The following DMD variants were observed in gnomAD, a reference collection of about 807,000 sequenced individuals.
The protein encoded by DMD is dystrophin.
In DMD, 63 loss-of-function variants were observed where a neutral mutation model predicts 330.1. The ratio of observed to expected loss-of-function variants is 0.19; its 90% CI spans 0.16 to 0.24. The LOEUF (loss-of-function observed/expected upper bound fraction) is 0.24, where lower values mean the gene tolerates loss of function less well. Ranked by LOEUF, DMD falls within the 10% of genes least tolerant of loss-of-function variation. The pLI, the probability that DMD is intolerant of heterozygous loss-of-function variation, is 1.00. For synonymous variants in DMD, 1,223 were observed against 959.8 expected, an observed-to-expected ratio of 1.27 and a Z score of -5.07; for missense variants, 3,344 against 2,684.1, an observed-to-expected ratio of 1.25 and a Z score of -5.43.
At chrX:31,239,321 G>A in intron 63 of DMD, among the ~76,000 whole-genome samples, 1 of 111,889 alleles carries the variant, frequency 8.9e-6, no homozygotes, top group Middle Eastern at 4.6e-3. Context: ...TTTCTTATGA[G>A]TATTCTTTAG....
chrX:31,866,355 T>C (rs1376595315), intron 48 of DMD, among the ~76,000 whole-genome samples: 5 of 111,252 alleles, frequency 4.5e-5, no homozygotes, highest in African/African-American at 9.8e-5. Context: ...AAAAAGCTAA[T>C]TGGAAACAGA....
intron 50 of DMD, among the ~76,000 whole-genome samples, chrX:31,802,239 C>T (rs1404819437): frequency 9.1e-6 from 1 of 110,011 alleles, no homozygotes; most frequent in Admixed American, 9.7e-5. Context: ...TTCTGTCTGT[C>T]ATCAAATTTA....
At chrX:31,137,529 A>G (rs1273294349) in intron 76 of DMD, among the ~76,000 whole-genome samples, 1 of 111,266 alleles carries the variant, frequency 9.0e-6, no homozygotes, top group African/African-American at 3.3e-5. Context: ...AAAACCACAA[A>G]AGTTTAAAAA....
At chrX:31,383,553 C>T (rs1053620023) in intron 60 of DMD, among the ~76,000 whole-genome samples, 1 of 112,120 alleles carries the variant, frequency 8.9e-6, no homozygotes, top group African/African-American at 3.2e-5. Context: ...ACCCTTAAGC[C>T]TAAAAGCCTG....
chrX:32,896,342 T>C (rs1302847268), intron 2 of DMD, among the ~76,000 whole-genome samples: 6 of 112,026 alleles, frequency 5.4e-5, no homozygotes, highest in Non-Finnish European at 9.4e-5. Context: ...AAAATAGCCA[T>C]GTACAGACTC....
At chrX:33,278,412 T>C (rs1028341282) in intron 1 of DMD, among the ~76,000 whole-genome samples, 25 of 111,623 alleles carry the variant, frequency 2.2e-4, no homozygotes, top group African/African-American at 8.1e-4. Flanking sequence ...AGCTCCCACT[T>C]ATAAGTGAGA....
At chrX:32,239,396 C>T (rs1210575218) in intron 43 of DMD, among the ~76,000 whole-genome samples, 7 of 111,625 alleles carry the variant, frequency 6.3e-5, no homozygotes, top group African/African-American at 2.0e-4. Flanking sequence ...ATAGCAAAAT[C>T]GAGGGGAAAG....
chrX:31,852,057 T>C (rs559640191), intron 48 of DMD, among the ~76,000 whole-genome samples: 1 of 110,110 alleles, frequency 9.1e-6, no homozygotes, highest in African/African-American at 3.3e-5. Flanking sequence ...GGGAGAGTAG[T>C]AGGAATGATA....
At chrX:33,156,914 T>C (rs1216179052) in intron 1 of DMD, among the ~76,000 whole-genome samples, 1 of 111,941 alleles carries the variant, frequency 8.9e-6, no homozygotes, top group Non-Finnish European at 1.9e-5. Context: ...AGAAAATGTC[T>C]GTATTTTTTA....
At chrX:32,582,874 C>G (rs2053808055) in intron 13 of DMD, among the ~76,000 whole-genome samples, 1 of 111,195 alleles carries the variant, frequency 9.0e-6, no homozygotes, top group African/African-American at 3.3e-5. Flanking sequence ...CCGGGAATAT[C>G]TTTCTCAAGG....
At chrX:32,678,186 C>T (rs559241497) in intron 9 of DMD, among the ~76,000 whole-genome samples, 4 of 111,933 alleles carry the variant, frequency 3.6e-5, no homozygotes, top group South Asian at 3.7e-4. Context: ...TGCTACACAA[C>T]GTTGTCTCTA....
At chrX:32,394,925 A>AAAC (rs1557326869) in intron 30 of DMD, among the ~76,000 whole-genome samples, 7 of 95,644 alleles carry the variant, frequency 7.3e-5, no homozygotes, top group African/African-American at 2.5e-4. Flanking sequence ...ACAAAAAAAA[A>AAAC]AAAAAAAAGA....
chrX:32,075,786 C>T (rs776188482), intron 44 of DMD, among the ~76,000 whole-genome samples: 2 of 109,309 alleles, frequency 1.8e-5, no homozygotes, highest in Non-Finnish European at 1.9e-5. Flanking sequence ...CAGCAGCTGA[C>T]GCCTGTAATC....
chrX:31,628,318 G>T (rs929325600), intron 54 of DMD, among the ~76,000 whole-genome samples: 9 of 110,561 alleles, frequency 8.1e-5, no homozygotes, highest in Non-Finnish European at 1.7e-4. Context: ...CTTTGATGCT[G>T]CTCTGAGGCA....
intron 59 of DMD, among the ~76,000 whole-genome samples, chrX:31,460,098 T>A (rs68165503): frequency 0.16 from 17,442 of 111,536 alleles, 1,438 homozygotes; most frequent in African/African-American, 0.32. Context: ...CATAATTCTC[T>A]TTTCATATAC....
intron 1 of DMD, among the ~76,000 whole-genome samples, chrX:33,146,964 A>G (rs1356795411): frequency 1.8e-5 from 2 of 110,283 alleles, no homozygotes; most frequent in Non-Finnish European, 3.8e-5. Flanking sequence ...CTGGGACTAC[A>G]GGTGTGTGCT....
chrX:31,232,271 G>T (rs767076479), intron 63 of DMD, among the ~76,000 whole-genome samples: 2 of 110,633 alleles, frequency 1.8e-5, no homozygotes, highest in African/African-American at 6.6e-5. Flanking sequence ...GATTTTGGGT[G>T]TTGGGACTTC....
At chrX:32,723,260 T>A (rs1246633068) in intron 7 of DMD, among the ~76,000 whole-genome samples, 3 of 111,686 alleles carry the variant, frequency 2.7e-5, no homozygotes, top group Non-Finnish European at 5.7e-5. Flanking sequence ...AAACCAACCT[T>A]GTGTCCTAGG....
chrX:32,229,680 T>TGA (rs2097160894), intron 43 of DMD, among the ~76,000 whole-genome samples: 1 of 26,941 alleles, frequency 3.7e-5, no homozygotes, highest in Admixed American at 5.7e-4. Flanking sequence ...AAGAGTTTCA[T>TGA]CATATATATA....
Sources: allele counts gnomAD v4.1 joint callset (sites outside exome capture counted in the v4.1 genomes callset), GRCh38; gene constraint gnomAD v4.1.1; transcripts MANE v1.5; gene names NCBI Gene and HGNC (gene_info 2026-07-23, HGNC 2026-07-21).